PRDM16: variants seen among roughly 807,000 people sequenced by gnomAD.
PRDM16 encodes PR/SET domain 16.
A neutral mutation model predicts 110.6 loss-of-function variants in PRDM16; 23 were observed. The observed-to-expected ratio is 0.21, with a 90% CI of 0.15 to 0.29. PRDM16 has a LOEUF of 0.29. Among genes scored for constraint, PRDM16 ranks in the 10% least tolerant of loss-of-function variants. The probability of loss-of-function intolerance (pLI) is 1.00; values close to 1 mark genes in which losing one functional copy is unlikely to be tolerated. For missense variants in PRDM16, 1,615 were observed against 1,794.3 expected (o/e 0.90, Z 1.81); for synonymous variants, 799 against 781.8 (o/e 1.02, Z -0.37).
chr1:3,327,837 G>A (rs1557612282), intron 3 of PRDM16, among the ~76,000 whole-genome samples: 4 of 152,218 alleles, frequency 2.6e-5, no homozygotes, highest in African/African-American at 7.2e-5. Flanking sequence ...CCCAGCACTG[G>A]CTGATGCTGG....
At chr1:3,430,783 G>C in intron 14 of PRDM16, 89 bp from the exon 15 acceptor site, 3 of 1,475,906 alleles carry the variant, frequency 2.0e-6, no homozygotes, top group Admixed American at 1.7e-5. Context: ...GGGAGGCAGT[G>C]GGGGCAGAGC....
At chr1:3,375,625 A>G (rs2100586366) in intron 3 of PRDM16, among the ~76,000 whole-genome samples, 1 of 152,304 alleles carries the variant, frequency 6.6e-6, no homozygotes. Flanking sequence ...AGGGGCAGGG[A>G]CCACTCCTGT....
chr1:3,202,369 A>T (rs1009061888), intron 2 of PRDM16, among the ~76,000 whole-genome samples: 1 of 4,410 alleles, frequency 2.3e-4, no homozygotes, highest in Non-Finnish European at 5.1e-4. Flanking sequence ...GGGGAAGCCT[A>T]GGGGAGGCTG....
At chr1:3,133,157 G>C (rs1482641185) in intron 1 of PRDM16, 3 of 152,302 alleles carry the variant, frequency 2.0e-5, no homozygotes, top group Non-Finnish European at 4.4e-5. Context: ...CCGGCTTCTG[G>C]TGGTGGAGTG....
At chr1:3,379,015 C>T (rs1305939573) in intron 3 of PRDM16, among the ~76,000 whole-genome samples, 1 of 151,820 alleles carries the variant, frequency 6.6e-6, no homozygotes, top group African/African-American at 2.4e-5. Flanking sequence ...CCACACCTGA[C>T]TGTGATAGCA....
rs779128050 is a variant in PRDM16, at chr1:3,434,633, C to T, written c.*822C>T. 2.2e-5 allele frequency: 5 copies of T among 232,406 alleles called. No homozygotes were observed. Among genetic ancestry groups the T allele is most frequent in the East Asian group, 6.1e-5 (1 of 16,490 alleles). 14.4% of individuals were successfully genotyped at this position (232,406 alleles called of 1,614,324 possible). On this transcript the variant is annotated 3_prime_UTR_variant, in exon 17 of 17. Coordinates refer to ENST00000270722, the MANE Select transcript of PRDM16 (RefSeq NM_022114.4). Reference sequence around the variant, plus strand: ...CTGGGATGGGAAGTGTGCCTGCCCTCGTGTGACATGGAATTGGTGTCAGGA... The same window carrying T: ...CTGGGATGGGAAGTGTGCCTGCCCTTGTGTGACATGGAATTGGTGTCAGGA...
At chr1:3,075,509 GA>G (rs1641876428) in intron 1 of PRDM16, among the ~76,000 whole-genome samples, 1 of 152,256 alleles carries the variant, frequency 6.6e-6, no homozygotes, top group African/African-American at 2.4e-5. Flanking sequence ...ACTGGCATTT[GA>G]AACAAATCAT....
intron 2 of PRDM16, among the ~76,000 whole-genome samples, chr1:3,198,861 T>A (rs1400601088): frequency 6.6e-6 from 1 of 152,142 alleles, no homozygotes; most frequent in Non-Finnish European, 1.5e-5. Flanking sequence ...TGTTCAAAAA[T>A]ACCTACGTCC....
chr1:3,135,304 C>T lies in PRDM16; in HGVS notation c.38-50821C>T, dbSNP rs534453053. Reference sequence around the variant, plus strand: ...GCCTCAGGGAGGTCTGCGGTGGGGGCAGGGCGGGCCACGTGAGGCCCTTCA... The same window carrying T: ...GCCTCAGGGAGGTCTGCGGTGGGGGTAGGGCGGGCCACGTGAGGCCCTTCA... On this transcript the variant is annotated intron_variant, in intron 1 of 16. Transcript: ENST00000270722. Among the ~76,000 whole-genome samples, 13 of 152,282 alleles carry T rather than the reference C, an allele frequency of 8.5e-5. No homozygotes were observed. The South Asian group carries it at 2.5e-3, about 29-fold the overall frequency.
rs1177792998 is a variant in PRDM16, at chr1:3,119,167, C to T, written c.37+49871C>T. Reference sequence around the variant, plus strand: ...CAGCTGCACAGCTATCGACCCAGGGCTGGACAGCCCCTGCCTGGCAGAGCC... The same window carrying T: ...CAGCTGCACAGCTATCGACCCAGGGTTGGACAGCCCCTGCCTGGCAGAGCC... On this transcript the variant is annotated intron_variant, in intron 1 of 16. Transcript: ENST00000270722. Among the ~76,000 whole-genome samples the T allele has an allele frequency of 2.0e-5, 3 of 152,224 alleles. No homozygotes were observed. In the East Asian group the frequency reaches 5.8e-4, roughly 29 times the overall value.
At chr1:3,198,241 G>A (rs534388034) in intron 2 of PRDM16, among the ~76,000 whole-genome samples, 2 of 152,324 alleles carry the variant, frequency 1.3e-5, no homozygotes, top group South Asian at 2.1e-4. Context: ...AAGGGGCCAG[G>A]TCGGCGCAGG....
chr1:3,330,412 C>T (rs1642018156), intron 3 of PRDM16, among the ~76,000 whole-genome samples: 1 of 152,242 alleles, frequency 6.6e-6, no homozygotes, highest in Non-Finnish European at 1.5e-5. Context: ...TGTAAGAATG[C>T]AGGGACAAAA....
intron 1 of PRDM16, among the ~76,000 whole-genome samples, chr1:3,149,640 T>C (rs1020641692): frequency 1.3e-5 from 2 of 152,226 alleles, no homozygotes; most frequent in African/African-American, 4.8e-5. Flanking sequence ...CTGGCATTTG[T>C]GAAGCCTCAG....
chr1:3,356,514 C>CT, intron 3 of PRDM16, among the ~76,000 whole-genome samples: 1 of 152,210 alleles, frequency 6.6e-6, no homozygotes, highest in East Asian at 1.9e-4. Flanking sequence ...GAGGAGGCTG[C>CT]CCCCAGCTCT....
chr1:3,340,548 TC>T (rs1404734855), intron 3 of PRDM16, among the ~76,000 whole-genome samples: 2 of 152,106 alleles, frequency 1.3e-5, no homozygotes, highest in African/African-American at 2.4e-5. Context: ...TCTACGTTTT[TC>T]CCCCTGCACA....
In PRDM16 at chr1:3,412,124, G is replaced by A. The variant is rs554385722; in HGVS notation, c.1927G>A (p.Ala643Thr). Residue 643 changes from alanine to threonine, a missense_variant, in exon 9 of 17, where the codon GCC becomes ACC. By Grantham distance (58) the Ala-to-Thr change is moderately conservative. Transcript: ENST00000270722. ...PDKDKGKGKS[A>T]EGQPKFGGGL... ...CAAGGACAAGGGCAAGGGCAAGTCC[G>A]CCGAGGGCCAGCCCAAGTTTGGGGG... 36 of 1,566,814 alleles carry A rather than the reference G, an allele frequency of 2.3e-5. No individual in the cohort carries two copies. The highest frequency in any genetic ancestry group is 1.2e-4 in the African/African-American group (9 of 73,440).
At chr1:3,299,117 G>A (rs901279632) in intron 3 of PRDM16, among the ~76,000 whole-genome samples, 11 of 151,832 alleles carry the variant, frequency 7.2e-5, no homozygotes, top group East Asian at 1.9e-4. Flanking sequence ...TGCTGTGGCC[G>A]TGATGTTTCC....
intron 3 of PRDM16, among the ~76,000 whole-genome samples, chr1:3,303,065 T>C (rs924396084): frequency 1.3e-5 from 2 of 152,344 alleles, no homozygotes; most frequent in Admixed American, 1.3e-4. Flanking sequence ...TTATAATACA[T>C]ATATGTCAGT....
intron 3 of PRDM16, among the ~76,000 whole-genome samples, chr1:3,338,985 T>C (rs1001644271): frequency 1.3e-5 from 2 of 152,154 alleles, no homozygotes; most frequent in Non-Finnish European, 2.9e-5. Context: ...GTTGTGACAG[T>C]GACAGGCACC....
Sources: allele counts gnomAD v4.1 joint callset (sites outside exome capture counted in the v4.1 genomes callset), GRCh38; gene constraint gnomAD v4.1.1; transcripts MANE v1.5; gene names NCBI Gene and HGNC (gene_info 2026-07-23, HGNC 2026-07-21).